ATRX: variants seen among roughly 807,000 people sequenced by gnomAD.
The protein encoded by ATRX is chromatin remodeler ATRX.
Under a neutral mutation model 172.6 loss-of-function variants are expected in ATRX, and 12 were observed. The ratio of observed to expected loss-of-function variants is 0.07; its 90% CI spans 0.04 to 0.11. The LOEUF (loss-of-function observed/expected upper bound fraction) is 0.11. Ranked by LOEUF, ATRX falls within the 10% of genes least tolerant of loss-of-function variation. The pLI, the probability that ATRX is intolerant of heterozygous loss-of-function variation, is 1.00. For synonymous variants in ATRX, 674 were observed against 594.7 expected, an observed-to-expected ratio of 1.13 and a Z score of -1.94; for missense variants, 1,368 against 1,767.4, an observed-to-expected ratio of 0.77 and a Z score of 4.05.
chrX:77,702,176 C>T (rs1557154130), intron 2 of ATRX, among the ~76,000 whole-genome samples: 1 of 112,724 alleles, frequency 8.9e-6, no homozygotes, highest in Non-Finnish European at 1.9e-5. Context: ...GGCGCAGTGG[C>T]TCACGCCTGT....
rs2148575964 is a variant in ATRX at position 77,681,927 on chromosome X, G to A, written c.3329C>T (p.Ser1110Phe). The change falls in exon 9 of 35, where the codon TCT becomes TTT. Residue 1110 changes from serine to phenylalanine, a missense_variant. By Grantham distance (155) the Ser-to-Phe change is radical. Coordinates refer to ENST00000373344, the MANE Select transcript of ATRX (RefSeq NM_000489.6). ...SSRKRQDCSS[S>F]DTEKYSMKED... ...TTTCATGGAATATTTCTCAGTATCA[G>A]ATGATGAACAATCTTGTCTCTTCCT... The A allele has an allele frequency of 1.7e-6, 2 of 1,210,308 alleles. No homozygotes were observed. The highest frequency in any genetic ancestry group is 2.2e-6 in the Non-Finnish European group (2 of 894,848).
At chrX:77,645,870 G>C (rs1017523371) in intron 15 of ATRX, among the ~76,000 whole-genome samples, 3 of 112,009 alleles carry the variant, frequency 2.7e-5, no homozygotes, top group Admixed American at 9.5e-5. Flanking sequence ...GTATGCAACT[G>C]AAGTTAAGTT....
chrX:77,740,689 C>T (rs781940568), intron 1 of ATRX, among the ~76,000 whole-genome samples: 1 of 110,046 alleles, frequency 9.1e-6, no homozygotes, highest in South Asian at 3.9e-4. Flanking sequence ...GATTACAAAA[C>T]ACTTCCCCTC....
intron 1 of ATRX, among the ~76,000 whole-genome samples, chrX:77,721,337 C>A (rs993058078): frequency 1.8e-5 from 2 of 111,288 alleles, no homozygotes; most frequent in African/African-American, 3.3e-5. Context: ...GGCATTTAGG[C>A]AACAGAAAGA....
rs782279556 is a variant in ATRX, at chrX:77,544,266, T to C, written c.6699+13185A>G. Among the ~76,000 whole-genome samples, 10 of 111,435 alleles carry C rather than the reference T, an allele frequency of 9.0e-5. No homozygotes were observed. In the South Asian group the frequency reaches 3.7e-3, roughly 42 times the overall value. On this transcript the variant is annotated intron_variant, in intron 30 of 34. Coordinates refer to ENST00000373344, the MANE Select transcript of ATRX (RefSeq NM_000489.6). Reference sequence around the variant, plus strand: ...GTTCACAATGGGAATTTTTGAAAATTAATTAACAATTTTTTTCATATTTTC... The same window carrying C: ...GTTCACAATGGGAATTTTTGAAAATCAATTAACAATTTTTTTCATATTTTC...
At position 77,606,626 on chromosome X, in the gene ATRX, C is replaced by T. The variant is rs1221023300; in HGVS notation, c.5567-6062G>A. Among the ~76,000 whole-genome samples, 6 of 110,567 alleles carry T rather than the reference C, an allele frequency of 5.4e-5. No individual in the cohort carries two copies. The East Asian group carries it at 1.7e-3, about 31-fold the overall frequency. Reference sequence around the variant, plus strand: ...TTATCCTAGGGATGCAACGATGGCTCAGTTTATGGAAATCAGCTGAGTGTG... The same window carrying T: ...TTATCCTAGGGATGCAACGATGGCTTAGTTTATGGAAATCAGCTGAGTGTG... On this transcript the variant is annotated intron_variant, in intron 22 of 34. Coordinates refer to ENST00000373344, the MANE Select transcript of ATRX (RefSeq NM_000489.6).
intron 27 of ATRX, among the ~76,000 whole-genome samples, chrX:77,589,351 A>T (rs1282041103): frequency 3.6e-5 from 4 of 112,011 alleles, no homozygotes; most frequent in African/African-American, 9.7e-5. Flanking sequence ...TGATGTTTGT[A>T]CATCTCTGTG....
chrX:77,548,152 G>C (rs1430658539), intron 30 of ATRX, among the ~76,000 whole-genome samples: 1 of 111,268 alleles, frequency 9.0e-6, no homozygotes, highest in African/African-American at 3.3e-5. Flanking sequence ...GAAAAGGGTG[G>C]TTGGCAAGTT....
chrX:77,750,815 T>C (rs1320555902), intron 1 of ATRX, among the ~76,000 whole-genome samples: 6 of 111,254 alleles, frequency 5.4e-5, no homozygotes, highest in African/African-American at 1.6e-4. Flanking sequence ...CTGCTGACAA[T>C]GATGGCTTAC....
chrX:77,583,387 G>A (rs1311631311), intron 27 of ATRX, among the ~76,000 whole-genome samples: 4 of 110,702 alleles, frequency 3.6e-5, no homozygotes, highest in East Asian at 2.8e-4. Flanking sequence ...AGTTAGGCGC[G>A]GTGGCACACG....
chrX:77,612,272 T>C (rs1450477211), intron 22 of ATRX, among the ~76,000 whole-genome samples: 1 of 111,693 alleles, frequency 9.0e-6, no homozygotes, highest in African/African-American at 3.3e-5. Flanking sequence ...CTTGGGTCCA[T>C]GCATTTTTAG....
chrX:77,558,500 T>C (rs1477705700), intron 29 of ATRX, among the ~76,000 whole-genome samples, 169 bp downstream of exon 29: 3 of 111,766 alleles, frequency 2.7e-5, no homozygotes, highest in Non-Finnish European at 3.8e-5. Flanking sequence ...ATGGATACAC[T>C]ACAAAACAGA....
intron 16 of ATRX, 53 bp from the exon 17 acceptor site, chrX:77,634,756 C>T (rs2148351731): frequency 9.8e-7 from 1 of 1,023,397 alleles, no homozygotes; most frequent in Non-Finnish European, 1.4e-6. Flanking sequence ...TTAAAAACTT[C>T]CTTTACATAA....
rs1242270081 is a variant in ATRX, at chrX:77,683,876, T to C, written c.1380A>G (p.Ser460=). ...CCTGTTTTCTTGAAAGTTTAGCTTC[T>C]GACTTTGAAATATCCTTCTTTTCCA... is the stretch of plus-strand genomic sequence containing the variant. ...CALEKKDISK[S]EAKLSRKQVD... The change falls in exon 9 of 35, where the codon TCA becomes TCG. Residue 460 remains serine, a synonymous_variant. Coordinates refer to ENST00000373344, the MANE Select transcript of ATRX (RefSeq NM_000489.6). 2 of 1,208,670 alleles carry C rather than the reference T, an allele frequency of 1.7e-6. No homozygotes were observed. Among genetic ancestry groups the C allele is most frequent in the Non-Finnish European group, 2.2e-6 (2 of 893,772 alleles).
At chrX:77,599,967 A>C in intron 23 of ATRX, 147 bp from the exon 24 acceptor site, 1 of 506,149 alleles carries the variant, frequency 2.0e-6, no homozygotes, top group Non-Finnish European at 3.4e-6. Context: ...CAAAGAAGAC[A>C]GGACAGATAT....
intron 1 of ATRX, among the ~76,000 whole-genome samples, chrX:77,722,562 T>C (rs2073828612): frequency 9.0e-6 from 1 of 111,465 alleles, no homozygotes; most frequent in South Asian, 3.7e-4. Flanking sequence ...AAAGAAGACA[T>C]TTATGTGGCC....
intron 22 of ATRX, among the ~76,000 whole-genome samples, chrX:77,601,611 C>T (rs973404246): frequency 2.7e-5 from 3 of 111,033 alleles, no homozygotes; most frequent in African/African-American, 6.6e-5. Context: ...AATGAATGCA[C>T]GTTTCATTAA....
rs782152710 is a variant in ATRX at position 77,508,637 on chromosome X, G to GA, written c.7201-9dup. ...CTGAACACAGCTGATTAACTATAGA[G>GA]AAAAAATGGGAGTCATTACAAGTGC... On this transcript the variant is annotated splice_polypyrimidine_tract_variant and intron_variant, in intron 34 of 34. Transcript: ENST00000373344. 3.1e-5 allele frequency: 38 copies of GA among 1,209,413 alleles called. No homozygotes were observed. The highest frequency in any genetic ancestry group is 3.4e-6 in the Non-Finnish European group (3 of 894,916).
chrX:77,540,360 T>C (rs2147850270), intron 30 of ATRX, among the ~76,000 whole-genome samples: 1 of 111,062 alleles, frequency 9.0e-6, no homozygotes, highest in African/African-American at 3.3e-5. Flanking sequence ...TCCCACACAA[T>C]AATAGTGGGA....
Sources: allele counts gnomAD v4.1 joint callset (sites outside exome capture counted in the v4.1 genomes callset), GRCh38; gene constraint gnomAD v4.1.1; transcripts MANE v1.5; gene names NCBI Gene and HGNC (gene_info 2026-07-23, HGNC 2026-07-21).